LRP1B: variants seen among roughly 807,000 people sequenced by gnomAD.
The protein encoded by LRP1B is LDL receptor related protein 1B.
Under a neutral mutation model 556.6 loss-of-function variants are expected in LRP1B, and 217 were observed. That is an observed-to-expected ratio of 0.39 (90% CI 0.35 to 0.44). LRP1B has a LOEUF of 0.44. Ranked by LOEUF, LRP1B falls within the 20% of genes least tolerant of loss-of-function variation. The pLI, the probability that LRP1B is intolerant of heterozygous loss-of-function variation, is 1.00. For synonymous variants in LRP1B, 2,047 were observed against 1,865.8 expected (o/e 1.10, Z -2.50); for missense variants, 5,053 against 5,620.8 (o/e 0.90, Z 3.23).
intron 3 of LRP1B, among the ~76,000 whole-genome samples, chr2:141,256,327 A>G (rs905693423): frequency 2.6e-5 from 4 of 152,066 alleles, no homozygotes; most frequent in Non-Finnish European, 5.9e-5. Context: ...AACACAGGCA[A>G]CAATAACGAA....
intron 1 of LRP1B, among the ~76,000 whole-genome samples, chr2:141,936,347 G>A (rs1407128366): frequency 6.6e-6 from 1 of 152,090 alleles, no homozygotes; most frequent in East Asian, 1.9e-4. Context: ...CTAGTTTAAT[G>A]ATCACAATAA....
At chr2:140,734,760 G>A (rs893481583) in intron 35 of LRP1B, among the ~76,000 whole-genome samples, 2 of 151,618 alleles carry the variant, frequency 1.3e-5, no homozygotes, top group Non-Finnish European at 2.9e-5. Flanking sequence ...AGATACTAAC[G>A]GAGGCCCTTT....
At chr2:140,670,770 T>C (rs1232703899) in intron 41 of LRP1B, among the ~76,000 whole-genome samples, 2 of 152,208 alleles carry the variant, frequency 1.3e-5, no homozygotes, top group African/African-American at 4.8e-5. Context: ...CAATATTACT[T>C]TTGTGCAGAA....
At chr2:140,859,098 G>C (rs908307469) in intron 27 of LRP1B, among the ~76,000 whole-genome samples, 2 of 152,134 alleles carry the variant, frequency 1.3e-5, no homozygotes, top group African/African-American at 2.4e-5. Context: ...GGGTTTACCA[G>C]TGTCAGCCAT....
chr2:141,212,907 C>T (rs1307278365), intron 6 of LRP1B, among the ~76,000 whole-genome samples: 6 of 152,148 alleles, frequency 3.9e-5, no homozygotes, highest in Non-Finnish European at 8.8e-5. Context: ...AGTTATGTTG[C>T]TATGGCATAT....
chr2:141,117,540 G>A (rs967816806), intron 7 of LRP1B, among the ~76,000 whole-genome samples: 3 of 151,932 alleles, frequency 2.0e-5, no homozygotes, highest in African/African-American at 4.8e-5. Context: ...TATCACAATA[G>A]TTTAAATTTA....
chr2:140,632,832 G>A (rs1410824430), intron 41 of LRP1B, among the ~76,000 whole-genome samples: 1 of 152,114 alleles, frequency 6.6e-6, no homozygotes, highest in Non-Finnish European at 1.5e-5. Context: ...GGGAGGCTGA[G>A]GCGCGTGGGT....
chr2:142,097,730 ACTAAGAAG>A (rs1706425711), intron 1 of LRP1B, among the ~76,000 whole-genome samples: 1 of 151,684 alleles, frequency 6.6e-6, no homozygotes, highest in Non-Finnish European at 1.5e-5. Context: ...TTGCCATCAA[ACTAAGAAG>A]TTAGAAGTTA....
chr2:140,988,953 T>A (rs1346857470), intron 17 of LRP1B, among the ~76,000 whole-genome samples: 2 of 152,120 alleles, frequency 1.3e-5, no homozygotes, highest in Admixed American at 1.3e-4. Context: ...CATTGTAAAC[T>A]ATACCACAAG....
intron 62 of LRP1B, among the ~76,000 whole-genome samples, chr2:140,452,246 G>A (rs911683175): frequency 5.9e-5 from 9 of 152,098 alleles, no homozygotes; most frequent in Non-Finnish European, 1.0e-4. Flanking sequence ...AGCTCAGTTA[G>A]TTTATGTTTT....
At chr2:140,804,139 T>C (rs1307313223) in intron 32 of LRP1B, among the ~76,000 whole-genome samples, 2 of 152,024 alleles carry the variant, frequency 1.3e-5, no homozygotes, top group Non-Finnish European at 2.9e-5. Context: ...AAGAGACTCC[T>C]TAAGGTGAAC....
At chr2:140,697,196 G>A (rs569764766) in intron 41 of LRP1B, among the ~76,000 whole-genome samples, 1 of 152,210 alleles carries the variant, frequency 6.6e-6, no homozygotes, top group South Asian at 2.1e-4. Context: ...TTGGATGACA[G>A]AATTAGAGTG....
intron 24 of LRP1B, among the ~76,000 whole-genome samples, chr2:140,884,882 C>G (rs772875522): frequency 2.0e-5 from 3 of 151,874 alleles, no homozygotes; most frequent in Non-Finnish European, 4.4e-5. Flanking sequence ...CCAGCTAATT[C>G]TTTGTATTTT....
At position 140,902,938 on chromosome 2, in the gene LRP1B, C is replaced by G. The variant is rs1694146236; in HGVS notation, c.3748G>C (p.Glu1250Gln). ...TACTTACCAACACTTGTACAACTTTCACCGTCTACATCCAGCTTCCAACCT... is the reference window on the plus strand; with the variant it reads ...TACTTACCAACACTTGTACAACTTTGACCGTCTACATCCAGCTTCCAACCT... The part of the protein sequence containing the change: ...YEGWKLDVDG[E>Q]SCTSVDPFEA... The change falls in exon 23 of 91, where the codon GAA (glutamate) becomes CAA (glutamine). Residue 1250 changes from glutamate (E) to glutamine (Q), a missense_variant. Glu to Gln is a conservative substitution (Grantham distance 29). Transcript: ENST00000389484. 3 of 1,613,476 alleles carry G rather than the reference C, an allele frequency of 1.9e-6. No individual in the cohort carries two copies. The highest frequency in any genetic ancestry group is 1.7e-6 in the Non-Finnish European group (2 of 1,179,590).
At chr2:140,629,833 T>G (rs1055816161) in intron 41 of LRP1B, among the ~76,000 whole-genome samples, 7 of 152,168 alleles carry the variant, frequency 4.6e-5, no homozygotes, top group African/African-American at 1.7e-4. Flanking sequence ...ATTTTGCAAT[T>G]TAATATTTTT....
At chr2:140,252,467 A>G (rs1681482194) in intron 86 of LRP1B, among the ~76,000 whole-genome samples, 1 of 152,004 alleles carries the variant, frequency 6.6e-6, no homozygotes, top group Non-Finnish European at 1.5e-5. Flanking sequence ...GCACATGTTC[A>G]AATAATCTGC....
At chr2:140,666,625 C>T (rs1685285076) in intron 41 of LRP1B, among the ~76,000 whole-genome samples, 1 of 152,132 alleles carries the variant, frequency 6.6e-6, no homozygotes, top group African/African-American at 2.4e-5. Context: ...GTTAAGCATT[C>T]TGATGTAATC....
intron 41 of LRP1B, among the ~76,000 whole-genome samples, chr2:140,693,591 A>T (rs1421309505): frequency 2.6e-5 from 4 of 151,948 alleles, no homozygotes; most frequent in Non-Finnish European, 4.4e-5. Context: ...CCCCTTTAAG[A>T]TTATCTTTTA....
intron 3 of LRP1B, among the ~76,000 whole-genome samples, chr2:141,401,685 G>A (rs1186025214): frequency 6.6e-6 from 1 of 152,136 alleles, no homozygotes; most frequent in African/African-American, 2.4e-5. Context: ...TCTAAAATGT[G>A]TATTTGTTTA....
Sources: allele counts gnomAD v4.1 joint callset (sites outside exome capture counted in the v4.1 genomes callset), GRCh38; gene constraint gnomAD v4.1.1; transcripts MANE v1.5; gene names NCBI Gene and HGNC (gene_info 2026-07-23, HGNC 2026-07-21).